The following CCDC149 variants were observed in gnomAD, a reference collection of about 807,000 sequenced individuals.
CCDC149 encodes coiled-coil domain-containing protein 149.
A neutral mutation model predicts 59.9 loss-of-function variants in CCDC149; 45 were observed. The observed-to-expected ratio is 0.75, with a 90% confidence interval of 0.59 to 0.96. The LOEUF is 0.96. Among genes scored for constraint, CCDC149 ranks in the 40% least tolerant of loss-of-function variants. The pLI, the probability that CCDC149 is intolerant of heterozygous loss-of-function variation, is 0.00. For synonymous variants in CCDC149, 245 were observed against 260.6 expected, an observed-to-expected ratio of 0.94 and a Z score of 0.58; for missense variants, 584 against 664.7, an observed-to-expected ratio of 0.88 and a Z score of 1.33.
chr4:24,891,967 C>T (rs901548098), intron 1 of CCDC149, among the ~76,000 whole-genome samples: 4 of 152,102 alleles, frequency 2.6e-5, no homozygotes, highest in African/African-American at 9.7e-5. Flanking sequence ...CCACTGCATT[C>T]CAGCCTGGGG....
At chr4:24,866,825 A>ACC (rs1394938253) in intron 3 of CCDC149, among the ~76,000 whole-genome samples, 3 of 146,640 alleles carry the variant, frequency 2.0e-5, no homozygotes, top group South Asian at 2.2e-4. Context: ...ACACACACCC[A>ACC]CACACACACA....
At chr4:24,847,876 AT>A (rs1383206813) in intron 4 of CCDC149, among the ~76,000 whole-genome samples, 2 of 152,166 alleles carry the variant, frequency 1.3e-5, no homozygotes, top group African/African-American at 4.8e-5. Context: ...GTAACCTGAC[AT>A]TTGTCATGGT....
intron 1 of CCDC149, among the ~76,000 whole-genome samples, chr4:24,908,175 G>A (rs557618989): frequency 3.4e-4 from 52 of 152,274 alleles, no homozygotes; most frequent in African/African-American, 1.1e-3. Flanking sequence ...TGAACACATC[G>A]TTTTGGGGAC....
chr4:24,889,872 C>A (rs1411675768), intron 1 of CCDC149, among the ~76,000 whole-genome samples: 4 of 152,170 alleles, frequency 2.6e-5, no homozygotes, highest in African/African-American at 9.7e-5. Context: ...ACTAATGAGG[C>A]CCACTGCACC....
At chr4:24,851,898 T>TGGACATTCTTTCCC in intron 4 of CCDC149, among the ~76,000 whole-genome samples, 1 of 152,256 alleles carries the variant, frequency 6.6e-6, no homozygotes, top group African/African-American at 2.4e-5. Context: ...GAGCCTTTCC[T>TGGACATTCTTTCCC]GGACATTCTT....
chr4:24,808,453 G>C lies in CCDC149; in HGVS notation c.1559C>G (p.Ser520Cys). 1.4e-6 allele frequency: 2 copies of C among 1,465,708 alleles called. No homozygotes were observed. The highest frequency in any genetic ancestry group is 1.8e-6 in the Non-Finnish European group (2 of 1,108,430). 90.8% of individuals were successfully genotyped at this position (1,465,708 alleles called of 1,614,324 possible). ...GATCCCTTTGCCGTCTTCCGGTGTG[G>C]AAGCTTTGGCTGCTGGCCGGCTGGC... Residue 520 changes from serine (S) to cysteine (C), a missense_variant, in exon 13 of 13, where the codon TCC becomes TGC. Transcript: ENST00000635206.
At chr4:24,964,078 T>A (rs1206293095) in intron 1 of CCDC149, among the ~76,000 whole-genome samples, 1 of 151,726 alleles carries the variant, frequency 6.6e-6, no homozygotes, top group African/African-American at 2.4e-5. Flanking sequence ...TGTCTGTAGT[T>A]CCAGCTACTC....
intron 1 of CCDC149, among the ~76,000 whole-genome samples, chr4:24,899,250 G>A (rs1343793735): frequency 6.6e-6 from 1 of 152,170 alleles, no homozygotes; most frequent in African/African-American, 2.4e-5. Flanking sequence ...ATTAGAATCG[G>A]GTTGGGAGGT....
chr4:24,882,796 A>G (rs1719923597), intron 1 of CCDC149, among the ~76,000 whole-genome samples: 1 of 152,190 alleles, frequency 6.6e-6, no homozygotes, highest in African/African-American at 2.4e-5. Context: ...ATGGGCTCCA[A>G]GGACTTTAGA....
chr4:24,952,679 CAT>C (rs1723351216), intron 1 of CCDC149, among the ~76,000 whole-genome samples: 1 of 113,862 alleles, frequency 8.8e-6, no homozygotes, highest in African/African-American at 3.5e-5. Context: ...GTAAAAGACA[CAT>C]AACAAAAAAT....
At chr4:24,944,456 G>A (rs952329170) in intron 1 of CCDC149, among the ~76,000 whole-genome samples, 6 of 152,084 alleles carry the variant, frequency 3.9e-5, no homozygotes, top group African/African-American at 9.6e-5. Flanking sequence ...GCTAAGTGAC[G>A]AGTTAATGGG....
intron 3 of CCDC149, among the ~76,000 whole-genome samples, chr4:24,862,573 A>G (rs140574549): frequency 1.6e-3 from 239 of 152,336 alleles, no homozygotes; most frequent in African/African-American, 5.5e-3. Flanking sequence ...AAAGCCTCAC[A>G]ATAAATCGTG....
At chr4:24,851,692 C>A (rs981921551) in intron 4 of CCDC149, among the ~76,000 whole-genome samples, 8 of 152,132 alleles carry the variant, frequency 5.3e-5, no homozygotes, top group Admixed American at 2.0e-4. Context: ...CTAGTATTTT[C>A]ATGGGCTTAA....
chr4:24,946,340 A>G (rs2092440205), intron 1 of CCDC149, among the ~76,000 whole-genome samples: 1 of 152,160 alleles, frequency 6.6e-6, no homozygotes, highest in African/African-American at 2.4e-5. Context: ...AAAATTACTG[A>G]GTCCATTTCT....
intron 8 of CCDC149, among the ~76,000 whole-genome samples, chr4:24,832,615 T>G (rs1415011333): frequency 6.6e-6 from 1 of 152,160 alleles, no homozygotes; most frequent in Non-Finnish European, 1.5e-5. Context: ...GATAGAAAAT[T>G]ATTTTTTTTT....
In CCDC149 at chr4:24,849,593, G is replaced by C. The variant is rs78916762; in HGVS notation, c.372+3479C>G. ...CAGGGTGGCAACAAATCTTTCAGGA[G>C]GCTATTTGGAAATGCTTTATGGCCC... On this transcript the variant is annotated intron_variant, in intron 4 of 12. Coordinates refer to ENST00000635206, the MANE Select transcript of CCDC149 (RefSeq NM_001330643.2). Among the ~76,000 whole-genome samples, 972 of 152,276 alleles carry C rather than the reference G, an allele frequency of 6.4e-3. 12 individuals carry two copies. The highest frequency in any genetic ancestry group is 0.022 in the African/African-American group (908 of 41,550).
chr4:24,938,214 A>G (rs1190584703), intron 1 of CCDC149, among the ~76,000 whole-genome samples: 1 of 152,232 alleles, frequency 6.6e-6, no homozygotes, highest in Non-Finnish European at 1.5e-5. Flanking sequence ...AAGAGAAACG[A>G]CAGAGAGCCC....
chr4:24,949,550 C>T (rs546049172), intron 1 of CCDC149, among the ~76,000 whole-genome samples: 1 of 152,126 alleles, frequency 6.6e-6, no homozygotes. Context: ...CTCTACTGAC[C>T]CAGATGCTGT....
At chr4:24,857,276 A>C (rs540789374) in intron 3 of CCDC149, among the ~76,000 whole-genome samples, 4 of 152,262 alleles carry the variant, frequency 2.6e-5, no homozygotes, top group African/African-American at 9.6e-5. Flanking sequence ...CTCTTTTCTC[A>C]ATCCATACTA....
Sources: allele counts gnomAD v4.1 joint callset (sites outside exome capture counted in the v4.1 genomes callset), GRCh38; gene constraint gnomAD v4.1.1; transcripts MANE v1.5; gene names NCBI Gene and HGNC (gene_info 2026-07-23, HGNC 2026-07-21).